KHDRBS2: variants seen among roughly 807,000 people sequenced by gnomAD.
The protein encoded by KHDRBS2 is KH domain-containing, RNA-binding, signal transduction-associated protein 2.
A neutral mutation model predicts 44.3 loss-of-function variants in KHDRBS2; 26 were observed. The observed-to-expected ratio is 0.59, with a 90% CI of 0.43 to 0.81. The LOEUF (loss-of-function observed/expected upper bound fraction) is 0.81, where lower values mean the gene tolerates loss of function less well. Among genes scored for constraint, KHDRBS2 ranks in the 40% least tolerant of loss-of-function variants. KHDRBS2 has a pLI of 0.00. For synonymous variants in KHDRBS2, 194 were observed against 151.1 expected, an observed-to-expected ratio of 1.28 and a Z score of -2.08; for missense variants, 476 against 433.1, an observed-to-expected ratio of 1.10 and a Z score of -0.88.
At chr6:62,005,753 TA>T (rs1779099159) in intron 3 of KHDRBS2, among the ~76,000 whole-genome samples, 1 of 151,040 alleles carries the variant, frequency 6.6e-6, no homozygotes, top group Non-Finnish European at 1.5e-5. Context: ...ATCATGCAAA[TA>T]AAAAACCTAT....
intron 6 of KHDRBS2, among the ~76,000 whole-genome samples, chr6:61,837,966 A>G (rs1442522962): frequency 6.6e-6 from 1 of 152,016 alleles, no homozygotes; most frequent in African/African-American, 2.4e-5. Flanking sequence ...CAGTTGACAA[A>G]AAGATCCTCT....
At chr6:62,192,439 G>C (rs1824824321) in intron 1 of KHDRBS2, among the ~76,000 whole-genome samples, 1 of 152,024 alleles carries the variant, frequency 6.6e-6, no homozygotes, top group Non-Finnish European at 1.5e-5. Flanking sequence ...CAAATGAAAA[G>C]ACTTTTTTCC....
chr6:61,838,222 C>G (rs1793030041), intron 6 of KHDRBS2, among the ~76,000 whole-genome samples: 1 of 151,880 alleles, frequency 6.6e-6, no homozygotes, highest in African/African-American at 2.4e-5. Flanking sequence ...AATGCAAGTC[C>G]ATTTTATTTA....
chr6:61,983,064 A>C (rs1306121920), intron 3 of KHDRBS2, among the ~76,000 whole-genome samples: 1 of 151,958 alleles, frequency 6.6e-6, no homozygotes. Context: ...GTCCAATAGG[A>C]ATGGGAATCT....
the KHDRBS2 span, among the ~76,000 whole-genome samples, chr6:61,662,453 G>T: frequency 2.0e-5 from 3 of 151,898 alleles, no homozygotes; most frequent in Admixed American, 1.3e-4. Flanking sequence ...CCATCAGAGT[G>T]AACAGGCAAC....
chr6:61,930,598 G>A (rs1396182957), intron 4 of KHDRBS2, among the ~76,000 whole-genome samples: 2 of 137,022 alleles, frequency 1.5e-5, no homozygotes, highest in Admixed American at 1.5e-4. Context: ...TCGGGAGGCT[G>A]AAGCAGGAGA....
At chr6:62,010,083 A>C (rs1165732638) in intron 3 of KHDRBS2, among the ~76,000 whole-genome samples, 1 of 152,162 alleles carries the variant, frequency 6.6e-6, no homozygotes, top group Non-Finnish European at 1.5e-5. Context: ...ATGCCAGCCC[A>C]TGAAGGCAGC....
chr6:61,993,675 T>TATATA (rs61137285), intron 3 of KHDRBS2, among the ~76,000 whole-genome samples: 6,295 of 74,440 alleles, frequency 0.085, 486 homozygotes, highest in East Asian at 0.16. Flanking sequence ...ATATATATAT[T>TATATA]TTTTTTTTTT....
the KHDRBS2 span, among the ~76,000 whole-genome samples, chr6:61,604,459 C>T: frequency 2.6e-5 from 4 of 152,212 alleles, no homozygotes; most frequent in Admixed American, 2.0e-4. Context: ...CCACACAAGG[C>T]AAATGGTTCT....
intron 1 of KHDRBS2, among the ~76,000 whole-genome samples, chr6:62,180,591 T>C (rs1822065739): frequency 6.6e-6 from 1 of 151,812 alleles, no homozygotes; most frequent in African/African-American, 2.4e-5. Context: ...ATTGGAAGAA[T>C]TAATATTGTT....
At chr6:61,805,540 G>A (rs1193412670) in intron 6 of KHDRBS2, among the ~76,000 whole-genome samples, 2 of 152,104 alleles carry the variant, frequency 1.3e-5, no homozygotes, top group Non-Finnish European at 2.9e-5. Context: ...GTATTAGTCT[G>A]CCTTCATGCT....
At chr6:61,801,625 T>G (rs1278545342) in intron 6 of KHDRBS2, among the ~76,000 whole-genome samples, 1 of 152,124 alleles carries the variant, frequency 6.6e-6, no homozygotes, top group Non-Finnish European at 1.5e-5. Context: ...TATCTTCTAT[T>G]GATGATGGTA....
Position 61,680,929 on chromosome 6 carries a change from G to GT in KHDRBS2, c.*33dup. 1 of 1,350,746 alleles carries GT rather than the reference G, an allele frequency of 7.4e-7. No individual in the cohort carries two copies. Among genetic ancestry groups the GT allele is most frequent in the Non-Finnish European group, 1.1e-6 (1 of 946,460 alleles). 83.7% of individuals were successfully genotyped at this position (1,350,746 alleles called of 1,614,324 possible). A position where few individuals can be genotyped will look rare whatever the true frequency, so the allele number is the denominator to read the frequency against. ...ATGTGGAGACCACAGGCTATGAATT[G>GT]TCTTTGAGGTGAGGTCACAGGTGGG... On this transcript the variant is annotated 3_prime_UTR_variant, in exon 9 of 9. Coordinates refer to ENST00000281156, the MANE Select transcript of KHDRBS2 (RefSeq NM_152688.4).
At chr6:62,036,328 A>G (rs553154782) in intron 3 of KHDRBS2, among the ~76,000 whole-genome samples, 35 of 152,114 alleles carry the variant, frequency 2.3e-4, no homozygotes, top group Non-Finnish European at 4.0e-4. Context: ...TCTATGTCCT[A>G]TAAGTAATTT....
intron 6 of KHDRBS2, among the ~76,000 whole-genome samples, chr6:61,785,565 G>C (rs986590051): frequency 2.0e-5 from 3 of 152,086 alleles, no homozygotes; most frequent in Non-Finnish European, 2.9e-5. Flanking sequence ...AAATTGGAAA[G>C]ACATAAAAAT....
At chr6:61,775,389 AC>A (rs1431833985) in intron 6 of KHDRBS2, among the ~76,000 whole-genome samples, 1 of 152,106 alleles carries the variant, frequency 6.6e-6, no homozygotes, top group Middle Eastern at 3.2e-3. Context: ...CATCTAGAAA[AC>A]CCCATCATCT....
the KHDRBS2 span, among the ~76,000 whole-genome samples, chr6:61,552,641 A>G: frequency 6.6e-6 from 1 of 152,198 alleles, no homozygotes; most frequent in South Asian, 2.1e-4. Context: ...CATTTGTTAT[A>G]TATATGTCTT....
chr6:61,561,932 C>A, the KHDRBS2 span, among the ~76,000 whole-genome samples: 572 of 152,264 alleles, frequency 3.8e-3, 4 homozygotes, highest in African/African-American at 0.013. Context: ...CTAGTCACTT[C>A]TTTTGCCAAA....
chr6:62,044,548 C>G (rs1187140049), intron 3 of KHDRBS2, among the ~76,000 whole-genome samples: 2 of 151,698 alleles, frequency 1.3e-5, no homozygotes, highest in African/African-American at 2.4e-5. Flanking sequence ...TTTGTAGTAC[C>G]TTAGCAGCAT....
Sources: allele counts gnomAD v4.1 joint callset (sites outside exome capture counted in the v4.1 genomes callset), GRCh38; gene constraint gnomAD v4.1.1; transcripts MANE v1.5; gene names NCBI Gene and HGNC (gene_info 2026-07-23, HGNC 2026-07-21).